Variants in SVEP1 observed in about 807,000 individuals in gnomAD.
SVEP1 encodes sushi, von Willebrand factor type A, EGF and pentraxin domain containing 1.
SVEP1 carries 164 observed loss-of-function variants against 367.3 expected under a neutral mutation model. The ratio of observed to expected loss-of-function variants is 0.45; its 90% CI spans 0.39 to 0.51. SVEP1 has a LOEUF of 0.51. Among genes scored for constraint, SVEP1 ranks in the 20% least tolerant of loss-of-function variants. The probability of loss-of-function intolerance (pLI) is 0.00; values close to 1 mark genes in which losing one functional copy is unlikely to be tolerated. For missense variants in SVEP1, 4,117 were observed against 4,425.3 expected, an observed-to-expected ratio of 0.93 and a Z score of 1.98; for synonymous variants, 1,666 against 1,611.6, an observed-to-expected ratio of 1.03 and a Z score of -0.81.
At chr9:110,393,423 A>G (rs1226259186) in intron 40 of SVEP1, among the ~76,000 whole-genome samples, 1 of 152,226 alleles carries the variant, frequency 6.6e-6, no homozygotes, top group Admixed American at 6.5e-5. Flanking sequence ...GAACAGCTCC[A>G]GTCTACAGCT....
At chr9:110,485,158 A>G (rs1829256883) in intron 9 of SVEP1, among the ~76,000 whole-genome samples, 1 of 152,218 alleles carries the variant, frequency 6.6e-6, no homozygotes, top group African/African-American at 2.4e-5. Context: ...AGCATTATTC[A>G]CAATAGCAAA....
chr9:110,448,558 A>G (rs999904978), intron 24 of SVEP1, among the ~76,000 whole-genome samples: 2 of 152,286 alleles, frequency 1.3e-5, no homozygotes, highest in Middle Eastern at 3.4e-3. Context: ...ACTCACCTTT[A>G]TCCTCCTGTG....
chr9:110,498,571 A>T (rs1205381245), intron 7 of SVEP1, among the ~76,000 whole-genome samples: 2 of 152,162 alleles, frequency 1.3e-5, no homozygotes, highest in Non-Finnish European at 1.5e-5. Flanking sequence ...TCCTTCTCTT[A>T]GAGATAGGAC....
At chr9:110,480,300 C>T (rs1383682863) in intron 12 of SVEP1, among the ~76,000 whole-genome samples, 1 of 152,134 alleles carries the variant, frequency 6.6e-6, no homozygotes, top group Non-Finnish European at 1.5e-5. Context: ...TAGCATCCCA[C>T]CGTCTCAATC....
chr9:110,489,822 T>G lies in SVEP1; in HGVS notation c.1801-43A>C, dbSNP rs1412817046. On this transcript the variant is annotated intron_variant, in intron 8 of 47. Coordinates refer to ENST00000374469, the MANE Select transcript of SVEP1 (RefSeq NM_153366.4). The stretch of plus-strand genomic sequence containing the variant: ...ATATTTTGAAAGTTAATGTCAAAAG[T>G]GCGTTTATTCTTTTCTGATTTATAT... The G allele has an allele frequency of 5.7e-6, 9 of 1,577,508 alleles. No homozygotes were observed. In the South Asian group the frequency reaches 9.5e-5, roughly 17 times the overall value.
chr9:110,465,513 G>A (rs1414757000), intron 18 of SVEP1, among the ~76,000 whole-genome samples: 1 of 152,126 alleles, frequency 6.6e-6, no homozygotes, highest in Admixed American at 6.5e-5. Flanking sequence ...AGAGTTTCAA[G>A]AAACACTAGA....
At chr9:110,396,532 A>T (rs1242376507) in intron 40 of SVEP1, among the ~76,000 whole-genome samples, 1 of 151,990 alleles carries the variant, frequency 6.6e-6, no homozygotes, top group Non-Finnish European at 1.5e-5. Context: ...GACACAAAAA[A>T]CTCTTCAAAA....
intron 40 of SVEP1, among the ~76,000 whole-genome samples, chr9:110,395,945 G>A (rs533754586): frequency 0.069 from 10,219 of 147,082 alleles, 552 homozygotes; most frequent in African/African-American, 0.17. Context: ...ACAGATCAAC[G>A]AGACAGAAAG....
chr9:110,452,077 C>T (rs1828703096), intron 22 of SVEP1, among the ~76,000 whole-genome samples: 1 of 152,176 alleles, frequency 6.6e-6, no homozygotes, highest in South Asian at 2.1e-4. Context: ...ATTTATAACT[C>T]ATGGCATTAT....
intron 1 of SVEP1, among the ~76,000 whole-genome samples, chr9:110,567,690 G>C (rs1830508299): frequency 6.6e-6 from 1 of 152,168 alleles, no homozygotes; most frequent in Non-Finnish European, 1.5e-5. Flanking sequence ...ATTTTCCATA[G>C]TTCTTCACCT....
chr9:110,396,924 G>T (rs373004528), intron 40 of SVEP1, among the ~76,000 whole-genome samples: 1 of 127,686 alleles, frequency 7.8e-6, no homozygotes, highest in Admixed American at 7.8e-5. Flanking sequence ...ACAAGGAGGA[G>T]CTGGTACCAT....
In SVEP1 at chr9:110,369,684, T is replaced by C. The variant is rs1827248513; in HGVS notation, c.10694+239A>G. Reference sequence around the variant, plus strand: ...GAAGTTCCAGTTTTAGTATATGTGCTGCTGAAGTGAGCACAAGACTGCTTA... The same window carrying C: ...GAAGTTCCAGTTTTAGTATATGTGCCGCTGAAGTGAGCACAAGACTGCTTA... On this transcript the variant is annotated intron_variant, in intron 47 of 47. Coordinates refer to ENST00000374469, the MANE Select transcript of SVEP1 (RefSeq NM_153366.4). The C allele has an allele frequency of 1.8e-5, 8 of 447,464 alleles. No homozygotes were observed. In the East Asian group the frequency reaches 3.1e-4, roughly 17 times the overall value. 27.7% of individuals were successfully genotyped at this position (447,464 alleles called of 1,614,324 possible).
intron 8 of SVEP1, 124 bp from the exon 9 acceptor site, chr9:110,489,903 C>T (rs1829341236): frequency 8.3e-7 from 1 of 1,201,764 alleles, no homozygotes; most frequent in Non-Finnish European, 1.1e-6. Context: ...AGGAAAAAGG[C>T]ACAGCTTTCT....
intron 3 of SVEP1, among the ~76,000 whole-genome samples, chr9:110,518,966 G>C (rs1829842452): frequency 6.6e-6 from 1 of 152,148 alleles, no homozygotes; most frequent in Admixed American, 6.6e-5. Context: ...TCTTTGATCT[G>C]TCTGTAACCT....
intron 8 of SVEP1, among the ~76,000 whole-genome samples, chr9:110,495,777 T>C (rs1829436513): frequency 1.3e-5 from 2 of 152,292 alleles, no homozygotes; most frequent in Middle Eastern, 3.4e-3. Flanking sequence ...TAACATCTGA[T>C]GGATTATTTC....
At chr9:110,500,122 C>T (rs1829510346) in intron 6 of SVEP1, among the ~76,000 whole-genome samples, 1 of 152,188 alleles carries the variant, frequency 6.6e-6, no homozygotes, top group South Asian at 2.1e-4. Context: ...ACTAAACACT[C>T]CACTATCATA....
Position 110,457,498 on chromosome 9 carries a change from G to A in SVEP1, c.3577-146C>T, listed in dbSNP as rs151226072. Reference sequence around the variant, plus strand: ...ACTCAAGCTAGGTGGCTTGCTGCCTGAATAACACTGGTGCCTGCCATATAG... The same window carrying A: ...ACTCAAGCTAGGTGGCTTGCTGCCTAAATAACACTGGTGCCTGCCATATAG... On this transcript the variant is annotated intron_variant, in intron 20 of 47. Transcript: ENST00000374469. 2.6e-3 allele frequency: 1,687 copies of A among 647,264 alleles called. 2 individuals carry two copies. Among genetic ancestry groups the A allele is most frequent in the Non-Finnish European group, 4.0e-3 (1,484 of 366,880 alleles). The allele number at this position is 647,264 out of a possible 1,614,324, so 40.1% of individuals were successfully genotyped here. A position where few individuals can be genotyped will look rare whatever the true frequency, so the allele number is the denominator to read the frequency against.
intron 8 of SVEP1, among the ~76,000 whole-genome samples, chr9:110,492,382 C>T (rs969958115): frequency 4.6e-5 from 7 of 151,824 alleles, no homozygotes; most frequent in African/African-American, 9.7e-5. Context: ...AAACTATAAG[C>T]GGCTGAAAAG....
intron 18 of SVEP1, among the ~76,000 whole-genome samples, chr9:110,465,367 A>T (rs187938885): frequency 6.6e-6 from 1 of 152,278 alleles, no homozygotes; most frequent in African/African-American, 2.4e-5. Context: ...GGGAGAGAGG[A>T]TCAGGTTTCA....
Sources: gnomAD v4.1 joint callset for allele counts (sites outside exome capture counted in the v4.1 genomes callset) on GRCh38, gnomAD v4.1.1 for gene constraint, MANE v1.5 for transcripts, NCBI Gene and HGNC (gene_info 2026-07-23, HGNC 2026-07-21) for gene names.